Variants in DEPTOR observed in about 807,000 individuals in gnomAD.
DEPTOR encodes DEP domain containing MTOR interacting protein, also known as DEP domain-containing mTOR-interacting protein.
DEPTOR carries 41 observed loss-of-function variants against 41.6 expected under a neutral mutation model. The ratio of observed to expected loss-of-function variants is 0.98; its 90% CI spans 0.77 to 1.28. DEPTOR has a LOEUF of 1.28. DEPTOR is among the 50% of genes most tolerant of loss of function. DEPTOR has a pLI of 0.00. For missense variants in DEPTOR, 514 were observed against 527.9 expected (o/e 0.97, Z 0.26); for synonymous variants, 195 against 192.3 (o/e 1.01, Z -0.12).
At chr8:119,875,340 G>A (rs1394059957) in intron 1 of DEPTOR, among the ~76,000 whole-genome samples, 1 of 152,108 alleles carries the variant, frequency 6.6e-6, no homozygotes, top group Admixed American at 6.6e-5. Flanking sequence ...ATGATGGATA[G>A]TGGTGTAAGT....
At chr8:119,952,164 TTTA>T (rs1315844007) in intron 3 of DEPTOR, among the ~76,000 whole-genome samples, 1 of 151,964 alleles carries the variant, frequency 6.6e-6, no homozygotes, top group Non-Finnish European at 1.5e-5. Context: ...AAAGAATTTC[TTTA>T]AAAGAAAAAA....
chr8:120,036,330 A>G (rs774584022), intron 8 of DEPTOR, among the ~76,000 whole-genome samples: 2 of 152,208 alleles, frequency 1.3e-5, no homozygotes, highest in African/African-American at 2.4e-5. Context: ...GCTTTCTTTC[A>G]AGGTCAATTG....
Position 120,003,096 on chromosome 8 carries a change from T to G in DEPTOR, c.910T>G (p.Cys304Gly), listed in dbSNP as rs749684694. The G allele has an allele frequency of 1.9e-6, 3 of 1,612,656 alleles. No homozygotes were observed. In the Admixed American group the frequency reaches 5.0e-5, roughly 27 times the overall value. ...CCTCAGCAGCAGCCCCCCTGTGCTC[T>G]GCAACCCCAAGTCCGGTGAGTGCCC... ...PTLSSSPPVL[C>G]NPKSVLKRPV... is the part of the protein sequence containing the mutation. The change falls in exon 6 of 9, where the codon TGC becomes GGC. Residue 304 changes from cysteine (C) to glycine (G), a missense_variant. Coordinates refer to ENST00000286234, the MANE Select transcript of DEPTOR (RefSeq NM_022783.4).
chr8:119,898,395 G>T (rs1272653901), intron 1 of DEPTOR, among the ~76,000 whole-genome samples: 1 of 152,116 alleles, frequency 6.6e-6, no homozygotes, highest in Non-Finnish European at 1.5e-5. Context: ...ATTTTGAAAG[G>T]TTTGGTGTTG....
chr8:120,048,179 CA>C (rs1813181808), intron 8 of DEPTOR, among the ~76,000 whole-genome samples: 1 of 152,168 alleles, frequency 6.6e-6, no homozygotes, highest in Admixed American at 6.5e-5. Flanking sequence ...AAAGGCTATT[CA>C]TCTTTTTGGA....
intron 1 of DEPTOR, among the ~76,000 whole-genome samples, chr8:119,901,038 A>G (rs993347178): frequency 6.6e-6 from 1 of 152,138 alleles, no homozygotes; most frequent in African/African-American, 2.4e-5. Context: ...TTCCTTTTTC[A>G]AAAGTAGGAA....
chr8:120,041,158 A>T (rs1277538877), intron 8 of DEPTOR, among the ~76,000 whole-genome samples: 1 of 152,230 alleles, frequency 6.6e-6, no homozygotes, highest in Non-Finnish European at 1.5e-5. Flanking sequence ...TCTGGGATGC[A>T]AATTTCTTGG....
chr8:120,029,527 C>G (rs1007117429), intron 8 of DEPTOR, among the ~76,000 whole-genome samples: 2 of 152,064 alleles, frequency 1.3e-5, no homozygotes, highest in African/African-American at 4.8e-5. Context: ...ACCGAAATAG[C>G]TGGGACTATA....
chr8:119,914,805 G>A (rs1827791696), intron 1 of DEPTOR, among the ~76,000 whole-genome samples: 1 of 152,218 alleles, frequency 6.6e-6, no homozygotes, highest in Non-Finnish European at 1.5e-5. Context: ...ACCGTAGGAG[G>A]TGGGGCTCAG....
intron 4 of DEPTOR, among the ~76,000 whole-genome samples, chr8:119,994,176 C>T (rs779453545): frequency 9.2e-5 from 14 of 151,758 alleles, no homozygotes; most frequent in Non-Finnish European, 1.5e-4. Flanking sequence ...TCAGGCTGAG[C>T]GTGTTGGCTC....
At chr8:119,877,097 C>T (rs1279207773) in intron 1 of DEPTOR, among the ~76,000 whole-genome samples, 1 of 152,124 alleles carries the variant, frequency 6.6e-6, no homozygotes, top group Non-Finnish European at 1.5e-5. Context: ...ATATGTTTAG[C>T]CTCTCTGTGT....
At chr8:119,926,807 G>A (rs2129842540) in intron 1 of DEPTOR, among the ~76,000 whole-genome samples, 1 of 152,200 alleles carries the variant, frequency 6.6e-6, no homozygotes, top group South Asian at 2.1e-4. Flanking sequence ...TTAAGTTTTA[G>A]ATAATAAATA....
At chr8:119,963,891 A>G (rs962732383) in intron 3 of DEPTOR, among the ~76,000 whole-genome samples, 7 of 152,202 alleles carry the variant, frequency 4.6e-5, no homozygotes, top group Non-Finnish European at 7.3e-5. Context: ...CTACTGTAAC[A>G]AAATATACCA....
At chr8:119,907,015 G>A (rs574766298) in intron 1 of DEPTOR, among the ~76,000 whole-genome samples, 10 of 152,318 alleles carry the variant, frequency 6.6e-5, no homozygotes, top group South Asian at 2.1e-4. Flanking sequence ...ATAAGCAGGC[G>A]AAGAGAATGA....
chr8:120,001,756 A>G (rs1464275647), intron 5 of DEPTOR, 46 bp downstream of exon 5: 1 of 1,569,696 alleles, frequency 6.4e-7, no homozygotes, highest in Non-Finnish European at 8.7e-7. Context: ...TTGTCTTTTG[A>G]GAAATAGTGG....
At chr8:119,951,742 C>T (rs1420035221) in intron 3 of DEPTOR, among the ~76,000 whole-genome samples, 2 of 152,140 alleles carry the variant, frequency 1.3e-5, no homozygotes, top group East Asian at 3.8e-4. Context: ...ATACCTCCTC[C>T]CTGGGCTCAG....
At chr8:119,981,376 G>C (rs1241770912) in intron 4 of DEPTOR, among the ~76,000 whole-genome samples, 2 of 152,128 alleles carry the variant, frequency 1.3e-5, no homozygotes, top group Non-Finnish European at 1.5e-5. Context: ...AAAAATGTAG[G>C]ATGGGCACAG....
chr8:120,030,805 T>G (rs1002564009), intron 8 of DEPTOR, among the ~76,000 whole-genome samples: 1 of 151,888 alleles, frequency 6.6e-6, no homozygotes, highest in African/African-American at 2.4e-5. Flanking sequence ...CATCAATTTC[T>G]TTGTTGTTGA....
At chr8:119,921,687 A>C (rs1827895795) in intron 1 of DEPTOR, among the ~76,000 whole-genome samples, 1 of 152,016 alleles carries the variant, frequency 6.6e-6, no homozygotes, top group African/African-American at 2.4e-5. Flanking sequence ...AGGAATGTTC[A>C]AGAATTAGCC....
Sources: allele counts gnomAD v4.1 joint callset (sites outside exome capture counted in the v4.1 genomes callset), GRCh38; gene constraint gnomAD v4.1.1; transcripts MANE v1.5; gene names NCBI Gene and HGNC (gene_info 2026-07-23, HGNC 2026-07-21).